The following CECR2 variants were observed in gnomAD, a reference collection of about 807,000 sequenced individuals.
The protein encoded by CECR2 is CECR2 histone acetyl-lysine reader.
A neutral mutation model predicts 154.5 loss-of-function variants in CECR2; 30 were observed. That is an observed-to-expected ratio of 0.19 (90% CI 0.15 to 0.26). The LOEUF is 0.26. Ranked by LOEUF, CECR2 falls within the 10% of genes least tolerant of loss-of-function variation. CECR2 has a pLI of 1.00. For missense variants in CECR2, 1,743 were observed against 1,829.3 expected, an observed-to-expected ratio of 0.95 and a Z score of 0.86; for synonymous variants, 725 against 683.7, an observed-to-expected ratio of 1.06 and a Z score of -0.94.
At chr22:17,390,763 A>G (rs1435924702) in intron 1 of CECR2, among the ~76,000 whole-genome samples, 2 of 152,214 alleles carry the variant, frequency 1.3e-5, no homozygotes, top group Non-Finnish European at 2.9e-5. Flanking sequence ...GGCGTGAGCC[A>G]CCACTCCTGA....
In CECR2 at chr22:17,556,234, A is replaced by G. The variant is rs2056771266; in HGVS notation, c.*3394A>G. 6.6e-6 allele frequency: 1 copy of G among 152,018 alleles called. No homozygotes were observed. Among genetic ancestry groups the G allele is most frequent in the Non-Finnish European group, 1.5e-5 (1 of 68,020 alleles). 9.4% of individuals were successfully genotyped at this position (152,018 alleles called of 1,614,324 possible). On this transcript the variant is annotated 3_prime_UTR_variant, in exon 19 of 19. Coordinates refer to ENST00000262608, the MANE Select transcript of CECR2 (RefSeq NM_001290047.2). ...GCTCATCAACAGTTCGTATCTTCTCACTGAGCCCGGGCCAGATGCTCTCAG... is the reference window on the plus strand; with the variant it reads ...GCTCATCAACAGTTCGTATCTTCTCGCTGAGCCCGGGCCAGATGCTCTCAG...
In CECR2 at chr22:17,511,747, G is replaced by A. The variant is rs55670111; in HGVS notation, c.871-66G>A. 1,273 of 1,365,500 alleles carry A rather than the reference G, an allele frequency of 9.3e-4. 14 individuals carry two copies. The African/African-American group carries it at 0.016, about 18-fold the overall frequency. 84.6% of individuals were successfully genotyped at this position (1,365,500 alleles called of 1,614,324 possible). On this transcript the variant is annotated intron_variant, in intron 7 of 18. Transcript: ENST00000262608. ...TTTTTTACTGGCGGCAGCAGCAGCA[G>A]CAGCATCAGTAGTTGAGAACACCCT...
chr22:17,452,368 CA>C (rs1257273054), intron 1 of CECR2, among the ~76,000 whole-genome samples: 1 of 152,200 alleles, frequency 6.6e-6, no homozygotes, highest in Non-Finnish European at 1.5e-5. Context: ...GCTGCCACTC[CA>C]GGCTGAATTT....
intron 1 of CECR2, among the ~76,000 whole-genome samples, chr22:17,443,455 G>T (rs1178326289): frequency 1.3e-5 from 2 of 152,060 alleles, no homozygotes; most frequent in African/African-American, 4.8e-5. Context: ...AGACTCCCTG[G>T]GAGCCAAGGG....
At chr22:17,376,926 G>A (rs1399718240) in intron 1 of CECR2, among the ~76,000 whole-genome samples, 2 of 151,988 alleles carry the variant, frequency 1.3e-5, no homozygotes, top group African/African-American at 2.4e-5. Flanking sequence ...ATGAGCCACC[G>A]CTCCCAGCCC....
chr22:17,416,269 T>C (rs2054155431), intron 1 of CECR2, among the ~76,000 whole-genome samples: 1 of 152,236 alleles, frequency 6.6e-6, no homozygotes, highest in South Asian at 2.1e-4. Flanking sequence ...AAATGATTAC[T>C]AATATGGAAT....
intron 2 of CECR2, among the ~76,000 whole-genome samples, chr22:17,486,444 G>T (rs1218370960): frequency 6.6e-6 from 1 of 152,202 alleles, no homozygotes; most frequent in Non-Finnish European, 1.5e-5. Context: ...GCCTGTATGT[G>T]ACACGCCACT....
Position 17,542,887 on chromosome 22 carries a change from C to T in CECR2, c.2744C>T (p.Pro915Leu), listed in dbSNP as rs2056552313. 2 of 1,613,976 alleles carry T rather than the reference C, an allele frequency of 1.2e-6. No individual in the cohort carries two copies. The highest frequency in any genetic ancestry group is 1.7e-6 in the Non-Finnish European group (2 of 1,179,872). The change falls in exon 16 of 19, where the codon CCT (proline) becomes CTT (leucine). Residue 915 changes from proline (P) to leucine (L), a missense_variant. Physicochemically the swap from Pro to Leu is moderately conservative, Grantham distance 98. Coordinates refer to ENST00000262608, the MANE Select transcript of CECR2 (RefSeq NM_001290047.2). ...CCTGCACACCCCCGTTTACCTGGCCCTTTTCCGCAGGTAGCTCACCCAATG... is the reference window on the plus strand; with the variant it reads ...CCTGCACACCCCCGTTTACCTGGCCTTTTTCCGCAGGTAGCTCACCCAATG... ...HQPAHPRLPG[P>L]FPQVAHPMSV...
chr22:17,518,854 T>TA (rs1251081313), intron 8 of CECR2: 1 of 263,412 alleles, frequency 3.8e-6, no homozygotes, highest in East Asian at 1.1e-4. Flanking sequence ...TAGGAGTTTT[T>TA]ACCTCTCCTT....
intron 3 of CECR2, 72 bp from the exon 4 acceptor site, chr22:17,499,337 AT>A (rs2055693253): frequency 1.3e-6 from 2 of 1,538,374 alleles, no homozygotes; most frequent in Admixed American, 4.0e-5. Context: ...TAAATTTGGA[AT>A]CCTCGTTCTG....
intron 1 of CECR2, among the ~76,000 whole-genome samples, chr22:17,459,875 A>G (rs2054910710): frequency 6.6e-6 from 1 of 152,204 alleles, no homozygotes. Flanking sequence ...TTATCCTTTT[A>G]ACTCCTTAAG....
chr22:17,426,491 C>T (rs774947618), intron 1 of CECR2, among the ~76,000 whole-genome samples: 15 of 152,162 alleles, frequency 9.9e-5, no homozygotes, highest in Non-Finnish European at 2.2e-4. Flanking sequence ...CAAGTAGCTG[C>T]GACTGCAGGC....
chr22:17,541,151 T>C (rs1601540014), intron 14 of CECR2, among the ~76,000 whole-genome samples: 2 of 152,048 alleles, frequency 1.3e-5, no homozygotes, highest in Non-Finnish European at 2.9e-5. Context: ...TGGGCAAAAA[T>C]TGGGATTAAA....
intron 2 of CECR2, among the ~76,000 whole-genome samples, chr22:17,489,336 G>A (rs2055483611): frequency 6.6e-6 from 1 of 152,182 alleles, no homozygotes. Context: ...TTTCCCCGAT[G>A]ACTAGTAATG....
At position 17,463,124 on chromosome 22, in the gene CECR2, G is replaced by T. The variant is rs978396516; in HGVS notation, c.127-14464G>T. On this transcript the variant is annotated intron_variant, in intron 1 of 18. Transcript: ENST00000262608. ...TGGACCTATAGAAAGTGAGGGAGAGGCTATTCCAGGCAGAACCTAGTGCAG... is the reference window on the plus strand; with the variant it reads ...TGGACCTATAGAAAGTGAGGGAGAGTCTATTCCAGGCAGAACCTAGTGCAG... 3.3e-5 allele frequency among the ~76,000 whole-genome samples: 5 copies of T among 152,326 alleles called. No homozygotes were observed. In the South Asian group the frequency reaches 1.0e-3, roughly 32 times the overall value.
At chr22:17,470,354 C>T (rs960564890) in intron 1 of CECR2, among the ~76,000 whole-genome samples, 13 of 140,684 alleles carry the variant, frequency 9.2e-5, no homozygotes, top group Non-Finnish European at 1.6e-4. Flanking sequence ...TGGAGAATTG[C>T]TTGAACTTAA....
intron 1 of CECR2, among the ~76,000 whole-genome samples, chr22:17,401,626 T>G (rs944532120): frequency 6.6e-6 from 1 of 152,196 alleles, no homozygotes; most frequent in Non-Finnish European, 1.5e-5. Flanking sequence ...GATTCATTCA[T>G]TCTGTAGCAT....
At chr22:17,490,138 GT>G (rs759001714) in intron 2 of CECR2, among the ~76,000 whole-genome samples, 60 of 146,706 alleles carry the variant, frequency 4.1e-4, no homozygotes, top group African/African-American at 1.4e-3. Flanking sequence ...GTTCCTTACT[GT>G]TTTTTTTTTG....
chr22:17,408,540 C>A (rs914385469), intron 1 of CECR2, among the ~76,000 whole-genome samples: 5 of 152,172 alleles, frequency 3.3e-5, no homozygotes, highest in Non-Finnish European at 4.4e-5. Flanking sequence ...TCCGTAACAA[C>A]ATTTTTAATC....
Sources: gnomAD v4.1 joint callset for allele counts (sites outside exome capture counted in the v4.1 genomes callset) on GRCh38, gnomAD v4.1.1 for gene constraint, MANE v1.5 for transcripts, NCBI Gene and HGNC (gene_info 2026-07-23, HGNC 2026-07-21) for gene names.